SLC30A8: variants seen among roughly 807,000 people sequenced by gnomAD.
SLC30A8 encodes solute carrier family 30 member 8.
A neutral mutation model predicts 36.9 loss-of-function variants in SLC30A8; 27 were observed. The ratio of observed to expected loss-of-function variants is 0.73; its 90% confidence interval spans 0.54 to 1.01. The LOEUF is 1.01. SLC30A8 is among the 50% of genes least tolerant of loss of function. The probability of loss-of-function intolerance (pLI) is 0.00; values close to 1 mark genes in which losing one functional copy is unlikely to be tolerated. For missense variants in SLC30A8, 439 were observed against 452.0 expected (o/e 0.97, Z 0.26); for synonymous variants, 164 against 172.4 (o/e 0.95, Z 0.38).
chr8:117,114,015 G>T (rs575507226), intron 2 of SLC30A8, among the ~76,000 whole-genome samples: 18 of 152,178 alleles, frequency 1.2e-4, no homozygotes, highest in African/African-American at 4.3e-4. Context: ...CAGGGCAGCT[G>T]GGTCATGAGA....
chr8:116,982,946 AAATG>A (rs1815325289), intron 1 of SLC30A8, among the ~76,000 whole-genome samples: 1 of 152,156 alleles, frequency 6.6e-6, no homozygotes, highest in Non-Finnish European at 1.5e-5. Context: ...CACATTAGTA[AAATG>A]AATGAGAACT....
chr8:116,997,175 G>T (rs59294342), intron 1 of SLC30A8, among the ~76,000 whole-genome samples: 1 of 152,108 alleles, frequency 6.6e-6, no homozygotes, highest in Non-Finnish European at 1.5e-5. Context: ...ACGATCCCAT[G>T]CTTACCATCC....
intron 1 of SLC30A8, among the ~76,000 whole-genome samples, chr8:116,975,292 C>G (rs1329159856): frequency 1.3e-5 from 2 of 152,164 alleles, no homozygotes; most frequent in Non-Finnish European, 2.9e-5. Context: ...CTTTAGACTG[C>G]TTAGCTCTGG....
At chr8:117,111,624 T>A (rs1429916314) in intron 2 of SLC30A8, among the ~76,000 whole-genome samples, 1 of 152,106 alleles carries the variant, frequency 6.6e-6, no homozygotes, top group Non-Finnish European at 1.5e-5. Context: ...TGGGACTTTT[T>A]TTTTCTTTCA....
chr8:117,099,080 C>A (rs962928763), intron 2 of SLC30A8, among the ~76,000 whole-genome samples: 1 of 152,140 alleles, frequency 6.6e-6, no homozygotes, highest in Non-Finnish European at 1.5e-5. Context: ...AGTCAGCATG[C>A]TAGAAGTAGG....
At chr8:117,008,842 A>G (rs1233844133) in intron 1 of SLC30A8, among the ~76,000 whole-genome samples, 1 of 152,114 alleles carries the variant, frequency 6.6e-6, no homozygotes, top group East Asian at 1.9e-4. Context: ...CTTAGTTTCT[A>G]TTTCTTCTTA....
At chr8:116,954,025 T>G (rs1423331702) in intron 1 of SLC30A8, among the ~76,000 whole-genome samples, 2 of 152,108 alleles carry the variant, frequency 1.3e-5, no homozygotes, top group South Asian at 2.1e-4. Context: ...TAGGGTGGTG[T>G]TAGTGAGGAT....
At chr8:117,049,222 T>G (rs1006859430) in intron 2 of SLC30A8, among the ~76,000 whole-genome samples, 1 of 152,202 alleles carries the variant, frequency 6.6e-6, no homozygotes, top group Non-Finnish European at 1.5e-5. Context: ...TACCCTGCAT[T>G]GGCCTTTAAT....
At chr8:117,075,154 A>C (rs1186221767) in intron 2 of SLC30A8, among the ~76,000 whole-genome samples, 2 of 152,190 alleles carry the variant, frequency 1.3e-5, no homozygotes, top group Non-Finnish European at 2.9e-5. Context: ...CCTATAACAA[A>C]AAAATAGTGA....
At chr8:116,987,076 C>A (rs1035600033) in intron 1 of SLC30A8, among the ~76,000 whole-genome samples, 340 of 152,152 alleles carry the variant, frequency 2.2e-3, no homozygotes, top group Non-Finnish European at 2.4e-3. Context: ...GAAGAAAAAT[C>A]AGTTTTCAGA....
chr8:117,047,909 A>G (rs1378247145), intron 2 of SLC30A8, among the ~76,000 whole-genome samples: 3 of 152,096 alleles, frequency 2.0e-5, no homozygotes, highest in African/African-American at 4.8e-5. Flanking sequence ...TCACTGCTAC[A>G]CTCCCACGAG....
intron 2 of SLC30A8, among the ~76,000 whole-genome samples, chr8:117,087,695 C>G (rs758564655): frequency 5.3e-5 from 8 of 152,124 alleles, no homozygotes; most frequent in African/African-American, 1.4e-4. Flanking sequence ...CTCTTAGCAA[C>G]TGATGATACT....
chr8:117,105,618 A>T (rs187334575), intron 2 of SLC30A8, among the ~76,000 whole-genome samples: 1 of 152,166 alleles, frequency 6.6e-6, no homozygotes, highest in Non-Finnish European at 1.5e-5. Context: ...CAGGATTTCT[A>T]TGTTGCAGTT....
At chr8:116,968,361 T>C (rs1814671391) in intron 1 of SLC30A8, among the ~76,000 whole-genome samples, 1 of 149,884 alleles carries the variant, frequency 6.7e-6, no homozygotes, top group Non-Finnish European at 1.5e-5. Flanking sequence ...TATATATAAA[T>C]AAGCTATAGT....
At chr8:117,085,566 G>A (rs1054324074) in intron 2 of SLC30A8, among the ~76,000 whole-genome samples, 1 of 152,068 alleles carries the variant, frequency 6.6e-6, no homozygotes, top group Non-Finnish European at 1.5e-5. Flanking sequence ...ATGGATACAG[G>A]GAAAAATATG....
At chr8:117,020,855 G>A (rs1349560412) in intron 1 of SLC30A8, among the ~76,000 whole-genome samples, 2 of 152,072 alleles carry the variant, frequency 1.3e-5, no homozygotes, top group African/African-American at 4.8e-5. Context: ...GTTTTTATAT[G>A]ACTATAAAAA....
At chr8:117,012,722 T>TACACACACACAC (rs1491474446) in intron 1 of SLC30A8, among the ~76,000 whole-genome samples, 2 of 42,438 alleles carry the variant, frequency 4.7e-5, no homozygotes, top group African/African-American at 8.4e-5. Flanking sequence ...TAGACATATG[T>TACACACACACAC]ATACACACAC....
intron 1 of SLC30A8, among the ~76,000 whole-genome samples, chr8:117,008,696 T>A (rs1300459872): frequency 6.6e-6 from 1 of 152,196 alleles, no homozygotes; most frequent in African/African-American, 2.4e-5. Context: ...ATGAGAACTA[T>A]ATCTATCTGT....
At chr8:117,121,531 CTCTT>C (rs1820694474) in intron 2 of SLC30A8, among the ~76,000 whole-genome samples, 1 of 151,830 alleles carries the variant, frequency 6.6e-6, no homozygotes, top group African/African-American at 2.4e-5. Flanking sequence ...TCTCTTGTGC[CTCTT>C]TTATAAGGAC....
Sources: allele counts gnomAD v4.1 joint callset (sites outside exome capture counted in the v4.1 genomes callset), GRCh38; gene constraint gnomAD v4.1.1; transcripts MANE v1.5; gene names NCBI Gene and HGNC (gene_info 2026-07-23, HGNC 2026-07-21).